The following IPCEF1 variants were observed in gnomAD, a reference collection of about 807,000 sequenced individuals.
The protein encoded by IPCEF1 is interaction protein for cytohesin exchange factors 1, also known as interactor protein for cytohesin exchange factors 1.
In IPCEF1, 31 loss-of-function variants were observed where a neutral mutation model predicts 50.9. The observed-to-expected ratio is 0.61, with a 90% CI of 0.46 to 0.82. The LOEUF is 0.82. Ranked by LOEUF, IPCEF1 falls within the 40% of genes least tolerant of loss-of-function variation. The pLI, the probability that IPCEF1 is intolerant of heterozygous loss-of-function variation, is 0.00. For synonymous variants in IPCEF1, 181 were observed against 192.0 expected, an observed-to-expected ratio of 0.94 and a Z score of 0.47; for missense variants, 458 against 514.0, an observed-to-expected ratio of 0.89 and a Z score of 1.05.
intron 1 of IPCEF1, among the ~76,000 whole-genome samples, chr6:154,299,433 C>T (rs1534447): frequency 0.28 from 39,180 of 140,656 alleles, 10,770 homozygotes; most frequent in Admixed American, 0.39. Context: ...TGGAATACTA[C>T]GCAGTCATAA....
chr6:154,317,838 G>C (rs751967667), intron 1 of IPCEF1, among the ~76,000 whole-genome samples: 13 of 151,918 alleles, frequency 8.6e-5, no homozygotes, highest in Non-Finnish European at 1.5e-4. Context: ...CTGCCCTTTA[G>C]TATTTACTGA....
At chr6:154,163,504 T>C (rs1799190237) in intron 11 of IPCEF1, among the ~76,000 whole-genome samples, 2 of 152,210 alleles carry the variant, frequency 1.3e-5, no homozygotes, top group Non-Finnish European at 2.9e-5. Context: ...ACTTATCATA[T>C]TATACATTTA....
chr6:154,208,888 T>C (rs539605250), intron 9 of IPCEF1, among the ~76,000 whole-genome samples: 1 of 152,266 alleles, frequency 6.6e-6, no homozygotes, highest in Admixed American at 6.5e-5. Context: ...TTGGAGCCTT[T>C]TCAGTAAGCC....
chr6:154,258,296 A>G (rs766155923), intron 3 of IPCEF1, among the ~76,000 whole-genome samples: 30 of 152,274 alleles, frequency 2.0e-4, no homozygotes, highest in Non-Finnish European at 4.1e-4. Flanking sequence ...CAGATGAGGA[A>G]CTTCAGCTTG....
At chr6:154,356,293 AAC>A (rs1383350499) in intron 1 of IPCEF1, among the ~76,000 whole-genome samples, 1 of 152,192 alleles carries the variant, frequency 6.6e-6, no homozygotes, top group Admixed American at 6.5e-5. Context: ...CCTTGCAAAG[AAC>A]ACACTTTCTC....
At chr6:154,322,818 G>A (rs1224638791) in intron 1 of IPCEF1, among the ~76,000 whole-genome samples, 1 of 151,452 alleles carries the variant, frequency 6.6e-6, no homozygotes, top group Non-Finnish European at 1.5e-5. Flanking sequence ...GCCTGGAGGA[G>A]AGAATGAGAC....
chr6:154,334,584 C>A (rs941903775), intron 1 of IPCEF1, among the ~76,000 whole-genome samples: 9 of 152,194 alleles, frequency 5.9e-5, no homozygotes, highest in Non-Finnish European at 4.4e-5. Flanking sequence ...GACTTGAATT[C>A]AAACTTTACC....
chr6:154,221,117 G>T, intron 7 of IPCEF1, 140 bp downstream of exon 7: 1 of 643,590 alleles, frequency 1.6e-6, no homozygotes, highest in Non-Finnish European at 2.6e-6. Context: ...CGAAGGCATT[G>T]TAACTGCTAA....
intron 9 of IPCEF1, among the ~76,000 whole-genome samples, chr6:154,206,169 A>G (rs1362621156): frequency 6.6e-6 from 1 of 152,218 alleles, no homozygotes; most frequent in Admixed American, 6.5e-5. Flanking sequence ...GTGATATCCC[A>G]TAAAGAATAT....
chr6:154,304,603 A>C (rs1298997421), intron 1 of IPCEF1, among the ~76,000 whole-genome samples: 1 of 152,186 alleles, frequency 6.6e-6, no homozygotes, highest in Non-Finnish European at 1.5e-5. Context: ...TCTGGATCTG[A>C]TATGTAAGTA....
chr6:154,322,922 A>G (rs572932191), intron 1 of IPCEF1, among the ~76,000 whole-genome samples: 13 of 152,330 alleles, frequency 8.5e-5, no homozygotes, highest in Non-Finnish European at 1.5e-4. Flanking sequence ...TACATGAACT[A>G]TACTTGAAAT....
chr6:154,328,539 A>G (rs1044122825), intron 1 of IPCEF1, among the ~76,000 whole-genome samples: 1 of 152,104 alleles, frequency 6.6e-6, no homozygotes. Flanking sequence ...CAAGAGTTCA[A>G]GACCAGCCTC....
intron 3 of IPCEF1, among the ~76,000 whole-genome samples, chr6:154,251,462 G>A (rs1244619194): frequency 6.6e-6 from 1 of 152,130 alleles, no homozygotes; most frequent in Non-Finnish European, 1.5e-5. Context: ...TGTGCCAGGC[G>A]CTGCTCTGAG....
intron 3 of IPCEF1, among the ~76,000 whole-genome samples, chr6:154,265,130 G>A (rs570027772): frequency 5.5e-4 from 83 of 152,244 alleles, no homozygotes; most frequent in South Asian, 1.0e-3. Flanking sequence ...TAGAAATGCC[G>A]TGTTACTAAC....
chr6:154,342,822 C>T (rs1783944904), intron 1 of IPCEF1, among the ~76,000 whole-genome samples: 1 of 152,136 alleles, frequency 6.6e-6, no homozygotes, highest in Admixed American at 6.5e-5. Flanking sequence ...TTCAGAAAAA[C>T]AGCTGCAAGG....
chr6:154,186,688 C>T (rs1448770592), intron 10 of IPCEF1, among the ~76,000 whole-genome samples: 3 of 152,218 alleles, frequency 2.0e-5, no homozygotes, highest in South Asian at 2.1e-4. Context: ...TCCCGAGTAG[C>T]TGGGACTACA....
rs111461412 is a variant in IPCEF1, at chr6:154,168,423, T to C, written c.911-310A>G. 2.0e-4 allele frequency among the ~76,000 whole-genome samples: 31 copies of C among 152,220 alleles called. 1 individual carries two copies. The highest frequency in any genetic ancestry group is 8.3e-4 in the South Asian group (4 of 4,812). Reference sequence around the variant, plus strand: ...TCACATGGGGTGTTCCCTGCATGCATGTCTCTGTGTCCAAACTCCCCCTAT... The same window carrying C: ...TCACATGGGGTGTTCCCTGCATGCACGTCTCTGTGTCCAAACTCCCCCTAT... On this transcript the variant is annotated intron_variant, in intron 10 of 11. Coordinates refer to ENST00000367220, the MANE Select transcript of IPCEF1 (RefSeq NM_001130700.2). This position sits in a 1 kb window ranked among gnomAD's most constrained non-coding sequence, Gnocchi z 4.1.
At chr6:154,226,665 A>G (rs1458505060) in intron 5 of IPCEF1, among the ~76,000 whole-genome samples, 4 of 152,034 alleles carry the variant, frequency 2.6e-5, no homozygotes, top group Non-Finnish European at 5.9e-5. Flanking sequence ...TGTTTCATCA[A>G]ATTTAGTGTC....
chr6:154,180,574 G>T (rs1800787314), intron 10 of IPCEF1, among the ~76,000 whole-genome samples: 1 of 151,906 alleles, frequency 6.6e-6, no homozygotes, highest in African/African-American at 2.4e-5. Flanking sequence ...TGTCTGCTCT[G>T]ACAGCACAGG....
Sources: gnomAD v4.1 joint callset for allele counts (sites outside exome capture counted in the v4.1 genomes callset) on GRCh38, gnomAD v4.1.1 for gene constraint, Gnocchi (gnomAD v3.1) non-coding constraint, MANE v1.5 for transcripts, NCBI Gene and HGNC (gene_info 2026-07-23, HGNC 2026-07-21) for gene names.